The following TOX variants were observed in gnomAD, a reference collection of about 807,000 sequenced individuals.
TOX encodes the protein thymocyte selection associated high mobility group box, also known as thymocyte selection-associated high mobility group box protein TOX.
A neutral mutation model predicts 53.7 loss-of-function variants in TOX; 11 were observed. The observed-to-expected ratio is 0.20, with a 90% CI of 0.13 to 0.34. The LOEUF (loss-of-function observed/expected upper bound fraction) is 0.34. Among genes scored for constraint, TOX ranks in the 10% least tolerant of loss-of-function variants. The probability of loss-of-function intolerance (pLI) is 1.00; values close to 1 mark genes in which losing one functional copy is unlikely to be tolerated. For missense variants in TOX, 570 were observed against 664.6 expected (o/e 0.86, Z 1.56); for synonymous variants, 225 against 245.3 (o/e 0.92, Z 0.77).
At chr8:59,084,597 A>G (rs1804475450) in intron 1 of TOX, among the ~76,000 whole-genome samples, 1 of 152,210 alleles carries the variant, frequency 6.6e-6, no homozygotes, top group Non-Finnish European at 1.5e-5. Flanking sequence ...TAGAAATAGA[A>G]TTTTCCAGAA....
intron 3 of TOX, among the ~76,000 whole-genome samples, chr8:58,938,882 A>G (rs1168054190): frequency 2.0e-5 from 3 of 152,230 alleles, no homozygotes; most frequent in Non-Finnish European, 2.9e-5. Context: ...GTGGAAATTG[A>G]GAGCCGAAAA....
At chr8:59,077,935 G>A (rs540535031) in intron 1 of TOX, among the ~76,000 whole-genome samples, 3 of 152,128 alleles carry the variant, frequency 2.0e-5, no homozygotes, top group East Asian at 3.8e-4. Context: ...CTTGCTTCTC[G>A]TGCAGGCCTT....
intron 2 of TOX, among the ~76,000 whole-genome samples, chr8:58,953,782 A>C (rs1253168225): frequency 2.6e-5 from 4 of 152,224 alleles, no homozygotes; most frequent in Non-Finnish European, 5.9e-5. Context: ...GAACTAATCC[A>C]AAAGGAATTG....
chr8:58,994,419 T>TCAC (rs1813518512), intron 1 of TOX, among the ~76,000 whole-genome samples: 3 of 141,204 alleles, frequency 2.1e-5, no homozygotes, highest in African/African-American at 5.8e-5. Context: ...TGTGTGTGTG[T>TCAC]GCGCGCGCGC....
At chr8:59,044,296 T>C (rs919961251) in intron 1 of TOX, among the ~76,000 whole-genome samples, 2 of 150,232 alleles carry the variant, frequency 1.3e-5, no homozygotes, top group African/African-American at 4.9e-5. Context: ...CTGCCAAAAC[T>C]GTGAATAATT....
At chr8:59,063,297 GA>G (rs2129422086) in intron 1 of TOX, among the ~76,000 whole-genome samples, 1 of 152,166 alleles carries the variant, frequency 6.6e-6, no homozygotes, top group Non-Finnish European at 1.5e-5. Context: ...TATAGGTTAA[GA>G]GCTAATGACT....
chr8:58,862,027 T>C (rs777365864), intron 3 of TOX, among the ~76,000 whole-genome samples: 1 of 152,166 alleles, frequency 6.6e-6, no homozygotes, highest in Non-Finnish European at 1.5e-5. Flanking sequence ...CCCCAACTTA[T>C]TGGAGACTTG....
rs1813795842 is a variant in TOX at position 59,006,604 on chromosome 8, T to C, written c.103-46596A>G. Among the ~76,000 whole-genome samples, 3 of 152,336 alleles carry C rather than the reference T, an allele frequency of 2.0e-5. No homozygotes were observed. In the South Asian group the frequency reaches 6.2e-4, roughly 32 times the overall value. ...TGCAGTCTTTTCTAATCTTTATGTT[T>C]CTCACAAAGGACCTAATATATATCT... On this transcript the variant is annotated intron_variant, in intron 1 of 8. Transcript: ENST00000361421.
At chr8:58,971,982 T>C (rs751508232) in intron 1 of TOX, among the ~76,000 whole-genome samples, 2 of 152,198 alleles carry the variant, frequency 1.3e-5, no homozygotes, top group Non-Finnish European at 2.9e-5. Context: ...TGAGCCACCA[T>C]GCGCAGCCTA....
intron 8 of TOX, 39 bp from the exon 9 acceptor site, chr8:58,807,822 C>T (rs1319486937): frequency 6.2e-7 from 1 of 1,612,068 alleles, no homozygotes; most frequent in Non-Finnish European, 8.5e-7. Flanking sequence ...TGTTACAGGA[C>T]AACCTGTGCT....
chr8:59,117,528 G>C lies in TOX; in HGVS notation c.102+1358C>G, dbSNP rs917804496. Among the ~76,000 whole-genome samples, 1 of 152,252 alleles carries C rather than the reference G, an allele frequency of 6.6e-6. No homozygotes were observed. Among genetic ancestry groups the C allele is most frequent in the African/African-American group, 2.4e-5 (1 of 41,468 alleles). The stretch of plus-strand genomic sequence containing the variant: ...CAGCATCGAGGAGCTTCTCCACGGG[G>C]AAGTGTGTGTGTGAGAGCCTGCCTG... On this transcript the variant is annotated intron_variant, in intron 1 of 8. Coordinates refer to ENST00000361421, the MANE Select transcript of TOX (RefSeq NM_014729.3). This position sits in a 1 kb window ranked among gnomAD's most constrained non-coding sequence, Gnocchi z 4.6.
In TOX at chr8:59,119,114, T is replaced by G; in HGVS notation, c.-127A>C. The G allele has an allele frequency of 2.0e-6, 1 of 510,726 alleles. No individual in the cohort carries two copies. 31.6% of individuals were successfully genotyped at this position (510,726 alleles called of 1,614,324 possible). A position where few individuals can be genotyped will look rare whatever the true frequency, so the allele number is the denominator to read the frequency against. The stretch of plus-strand genomic sequence containing the variant: ...GAGTAAAAGAAACACCTTCCTTCCC[T>G]CACATCCGTTTGTGGTTTGTTTAAG... On this transcript the variant is annotated 5_prime_UTR_variant, in exon 1 of 9. The change abolishes the stop of an existing upstream ORF in the 5' untranslated region. Coordinates refer to ENST00000361421, the MANE Select transcript of TOX (RefSeq NM_014729.3).
intron 7 of TOX, among the ~76,000 whole-genome samples, chr8:58,809,091 C>T (rs971866267): frequency 4.6e-5 from 7 of 152,128 alleles, no homozygotes; most frequent in Admixed American, 3.9e-4. Context: ...AAAAAGCATT[C>T]TATACTAAGA....
intron 3 of TOX, among the ~76,000 whole-genome samples, chr8:58,918,794 A>C (rs902126505): frequency 8.2e-6 from 1 of 122,570 alleles, no homozygotes; most frequent in Non-Finnish European, 1.7e-5. Context: ...ATGATTGTTT[A>C]TCTAGAAAAC....
At chr8:59,111,057 G>C (rs1805008512) in intron 1 of TOX, among the ~76,000 whole-genome samples, 1 of 152,076 alleles carries the variant, frequency 6.6e-6, no homozygotes, top group African/African-American at 2.4e-5. Context: ...ATATATGGAA[G>C]ACTGGAACAC....
At chr8:59,034,096 C>T (rs1011566545) in intron 1 of TOX, among the ~76,000 whole-genome samples, 13 of 152,342 alleles carry the variant, frequency 8.5e-5, no homozygotes, top group African/African-American at 3.1e-4. Flanking sequence ...CTGACGGAGG[C>T]TGACTTCTTG....
intron 1 of TOX, among the ~76,000 whole-genome samples, chr8:59,015,717 A>G (rs1471278366): frequency 1.3e-5 from 2 of 152,242 alleles, no homozygotes; most frequent in Admixed American, 6.5e-5. Context: ...AAATAAAAAC[A>G]AACAGTATAA....
intron 1 of TOX, among the ~76,000 whole-genome samples, chr8:59,095,259 G>C (rs550649640): frequency 6.6e-6 from 1 of 151,222 alleles, no homozygotes. Flanking sequence ...TTTTTCCATA[G>C]GAATTTCAGA....
chr8:58,808,891 G>A (rs972813113), intron 7 of TOX, among the ~76,000 whole-genome samples: 1 of 152,180 alleles, frequency 6.6e-6, no homozygotes, highest in Non-Finnish European at 1.5e-5. Context: ...TGGAAAACAC[G>A]GGGAGGGAAA....
Sources: allele counts gnomAD v4.1 joint callset (sites outside exome capture counted in the v4.1 genomes callset), GRCh38; gene constraint gnomAD v4.1.1; non-coding constraint Gnocchi (gnomAD v3.1); transcripts MANE v1.5; gene names NCBI Gene and HGNC (gene_info 2026-07-23, HGNC 2026-07-21).